KIAA0232: variants seen among roughly 807,000 people sequenced by gnomAD.
KIAA0232 encodes uncharacterized protein KIAA0232.
Under a neutral mutation model 122.0 loss-of-function variants are expected in KIAA0232, and 27 were observed. The ratio of observed to expected loss-of-function variants is 0.22; its 90% CI spans 0.16 to 0.31. KIAA0232 has a LOEUF of 0.31. Among genes scored for constraint, KIAA0232 ranks in the 10% least tolerant of loss-of-function variants. KIAA0232 has a pLI of 1.00. For synonymous variants in KIAA0232, 613 were observed against 587.6 expected (o/e 1.04, Z -0.63); for missense variants, 1,551 against 1,634.2 (o/e 0.95, Z 0.88).
chr4:6,859,864 A>G (rs547285361), intron 6 of KIAA0232, among the ~76,000 whole-genome samples: 47 of 152,276 alleles, frequency 3.1e-4, no homozygotes, highest in African/African-American at 1.1e-3. Context: ...CTAGCAAATC[A>G]AAAATACTTT....
At chr4:6,875,347 T>C (rs1014289830) in intron 8 of KIAA0232, among the ~76,000 whole-genome samples, 2 of 152,224 alleles carry the variant, frequency 1.3e-5, no homozygotes, top group African/African-American at 4.8e-5. Flanking sequence ...AAATAATTTG[T>C]GCAAAGTTAC....
intron 3 of KIAA0232, among the ~76,000 whole-genome samples, chr4:6,841,799 AAAG>A (rs2109137435): frequency 6.6e-6 from 1 of 152,378 alleles, no homozygotes; most frequent in African/African-American, 2.4e-5. Context: ...GAAAGAAATC[AAAG>A]AAGACCTAAA....
At chr4:6,826,471 C>G (rs1718690896) in intron 3 of KIAA0232, among the ~76,000 whole-genome samples, 1 of 150,228 alleles carries the variant, frequency 6.7e-6, no homozygotes, top group Non-Finnish European at 1.5e-5. Context: ...AAATTATGTA[C>G]TTTATTGTAA....
intron 1 of KIAA0232, among the ~76,000 whole-genome samples, chr4:6,801,978 G>T (rs1717404315): frequency 6.6e-6 from 1 of 152,128 alleles, no homozygotes; most frequent in African/African-American, 2.4e-5. Flanking sequence ...ATGGTGGTGG[G>T]TATTTATTTA....
intron 7 of KIAA0232, among the ~76,000 whole-genome samples, chr4:6,869,394 C>T (rs1456432178): frequency 1.3e-5 from 2 of 152,218 alleles, no homozygotes; most frequent in Non-Finnish European, 2.9e-5. Flanking sequence ...ACCTTCCTTG[C>T]TCCCCCTGAG....
In KIAA0232 at chr4:6,838,653, A is replaced by G. The variant is rs892753473; in HGVS notation, c.232-3414A>G. Among the ~76,000 whole-genome samples the G allele has an allele frequency of 7.3e-5, 11 of 151,026 alleles. No homozygotes were observed. In the South Asian group the frequency reaches 1.9e-3, roughly 26 times the overall value. ...ACATTTAAAATAAATCTGTTAAGAT[A>G]TATGCCAACTGTTGACAGTAGTTAC... is the stretch of plus-strand genomic sequence containing the variant. On this transcript the variant is annotated intron_variant, in intron 3 of 9. Coordinates refer to ENST00000307659, the MANE Select transcript of KIAA0232 (RefSeq NM_014743.3).
At chr4:6,814,760 A>G (rs1399963484) in intron 2 of KIAA0232, among the ~76,000 whole-genome samples, 1 of 152,156 alleles carries the variant, frequency 6.6e-6, no homozygotes, top group African/African-American at 2.4e-5. Flanking sequence ...CTAAGATACT[A>G]TGATTGCTGA....
At chr4:6,793,588 A>C (rs1392677270) in intron 1 of KIAA0232, among the ~76,000 whole-genome samples, 2 of 152,240 alleles carry the variant, frequency 1.3e-5, no homozygotes, top group Non-Finnish European at 2.9e-5. Context: ...TTTATTCATC[A>C]GTCAGGTTCA....
chr4:6,827,160 A>G lies in KIAA0232; in HGVS notation c.231+2476A>G, dbSNP rs533228435. Among the ~76,000 whole-genome samples, 122 of 152,240 alleles carry G rather than the reference A, an allele frequency of 8.0e-4. 1 individual carries two copies. The highest frequency in any genetic ancestry group is 1.4e-3 in the Admixed American group (21 of 15,286). ...TGTGTGCCAAGTCCCACGCCAATGA[A>G]GAAGGTCAAATTTTAAATACCTGTT... On this transcript the variant is annotated intron_variant, in intron 3 of 9. Coordinates refer to ENST00000307659, the MANE Select transcript of KIAA0232 (RefSeq NM_014743.3).
intron 9 of KIAA0232, among the ~76,000 whole-genome samples, chr4:6,878,142 A>C (rs989766198): frequency 2.6e-5 from 4 of 152,220 alleles, no homozygotes; most frequent in African/African-American, 9.6e-5. Context: ...TGGAAGGCCA[A>C]GGTGGGCAGA....
chr4:6,871,543 A>AAAATTTTT, intron 7 of KIAA0232, 31 bp from the exon 8 acceptor site: 1 of 1,277,882 alleles, frequency 7.8e-7, no homozygotes, highest in South Asian at 1.3e-5. Flanking sequence ...AAGTTTATAA[A>AAAATTTTT]CTTTTTCTGT....
chr4:6,820,142 T>C (rs1179057651), intron 2 of KIAA0232, among the ~76,000 whole-genome samples: 1 of 151,990 alleles, frequency 6.6e-6, no homozygotes, highest in Non-Finnish European at 1.5e-5. Context: ...AAACTAACTG[T>C]TGGGTACTGT....
At chr4:6,822,425 CT>C (rs1718465534) in intron 2 of KIAA0232, among the ~76,000 whole-genome samples, 1 of 152,114 alleles carries the variant, frequency 6.6e-6, no homozygotes, top group South Asian at 2.1e-4. Context: ...AGTCTTAAAT[CT>C]TTGGGTAATG....
chr4:6,845,158 G>A (rs2108749470), intron 4 of KIAA0232, among the ~76,000 whole-genome samples: 1 of 152,314 alleles, frequency 6.6e-6, no homozygotes, highest in East Asian at 1.9e-4. Flanking sequence ...CATCTAGAGA[G>A]AGAATCTGAT....
chr4:6,813,564 G>A (rs888394687), intron 2 of KIAA0232, among the ~76,000 whole-genome samples: 16 of 151,792 alleles, frequency 1.1e-4, no homozygotes, highest in South Asian at 2.1e-4. Context: ...GGGTTTCACC[G>A]TGTTAGCCAG....
intron 3 of KIAA0232, among the ~76,000 whole-genome samples, chr4:6,841,785 C>A (rs754850326): frequency 6.6e-6 from 1 of 152,182 alleles, no homozygotes; most frequent in Non-Finnish European, 1.5e-5. Flanking sequence ...TATAAAGCAT[C>A]TTTGAAAGAA....
At position 6,881,397 on chromosome 4, in the gene KIAA0232, G is replaced by A. The variant is rs762989589; in HGVS notation, c.*431G>A. 3 of 152,860 alleles carry A rather than the reference G, an allele frequency of 2.0e-5. No homozygotes were observed. Among genetic ancestry groups the A allele is most frequent in the Admixed American group, 6.5e-5 (1 of 15,282 alleles). The allele number at this position is 152,860 out of a possible 1,614,324, so 9.5% of individuals were successfully genotyped here. ...TTAGGCTTTGTTCTCCAAGAACTGG[G>A]ATATCCATTCTTACCCTACAGTGGC... On this transcript the variant is annotated 3_prime_UTR_variant, in exon 10 of 10. Transcript: ENST00000307659.
In KIAA0232 at chr4:6,811,236, A is replaced by G. The variant is rs114383784; in HGVS notation, c.-270+6630A>G. 1.5e-3 allele frequency among the ~76,000 whole-genome samples: 233 copies of G among 152,338 alleles called. 1 individual carries two copies. Among genetic ancestry groups the G allele is most frequent in the South Asian group, 0.012 (59 of 4,828 alleles). ...TGTCCATCAGTGAATAAATGGATAA[A>G]GAAAATGTGGTCTATACACACAATA... On this transcript the variant is annotated intron_variant, in intron 2 of 9. Transcript: ENST00000307659.
At chr4:6,814,327 T>C (rs945230900) in intron 2 of KIAA0232, among the ~76,000 whole-genome samples, 1 of 152,008 alleles carries the variant, frequency 6.6e-6, no homozygotes, top group African/African-American at 2.4e-5. Flanking sequence ...GGAAAGGCCC[T>C]GATAGGACTA....
Sources: gnomAD v4.1 joint callset for allele counts (sites outside exome capture counted in the v4.1 genomes callset) on GRCh38, gnomAD v4.1.1 for gene constraint, MANE v1.5 for transcripts, NCBI Gene and HGNC (gene_info 2026-07-23, HGNC 2026-07-21) for gene names.